CLVS2: variants seen among roughly 807,000 people sequenced by gnomAD.
CLVS2 encodes the protein clavesin-2.
CLVS2 carries 19 observed loss-of-function variants against 29.0 expected under a neutral mutation model. That is an observed-to-expected ratio of 0.66 (90% confidence interval 0.46 to 0.96). The LOEUF is 0.96. CLVS2 is among the 40% of genes least tolerant of loss of function. The probability of loss-of-function intolerance (pLI) is 0.00; values close to 1 mark genes in which losing one functional copy is unlikely to be tolerated. For synonymous variants in CLVS2, 161 were observed against 151.3 expected, an observed-to-expected ratio of 1.06 and a Z score of -0.47; for missense variants, 294 against 404.1, an observed-to-expected ratio of 0.73 and a Z score of 2.34.
At chr6:123,041,003 A>T (rs1018714467) in intron 3 of CLVS2, among the ~76,000 whole-genome samples, 1 of 152,130 alleles carries the variant, frequency 6.6e-6, no homozygotes, top group Admixed American at 6.6e-5. Context: ...GTTGTGTGCT[A>T]TCTTGTATGA....
chr6:123,062,508 G>A (rs1307282946), intron 5 of CLVS2, among the ~76,000 whole-genome samples: 1 of 151,742 alleles, frequency 6.6e-6, no homozygotes, highest in Admixed American at 6.6e-5. Flanking sequence ...GGCATCTAAT[G>A]CCTATTTAAT....
chr6:123,009,342 C>T (rs1209634660), intron 2 of CLVS2, among the ~76,000 whole-genome samples: 2 of 152,042 alleles, frequency 1.3e-5, no homozygotes, highest in African/African-American at 4.8e-5. Context: ...ACACCATGCC[C>T]TGTGCTTGAT....
intron 3 of CLVS2, among the ~76,000 whole-genome samples, chr6:123,017,563 C>T (rs1438075529): frequency 6.6e-6 from 1 of 152,076 alleles, no homozygotes; most frequent in Non-Finnish European, 1.5e-5. Context: ...TTAGTTGTTA[C>T]TTAACCTAGA....
chr6:123,069,365 A>G lies in CLVS2; in HGVS notation c.*5604A>G, dbSNP rs576242644. 1.6e-4 allele frequency: 25 copies of G among 151,934 alleles called. No homozygotes were observed. Among genetic ancestry groups the G allele is most frequent in the African/African-American group, 6.0e-4 (25 of 41,526 alleles). 9.4% of individuals were successfully genotyped at this position (151,934 alleles called of 1,614,324 possible). On this transcript the variant is annotated 3_prime_UTR_variant, in exon 6 of 6. Transcript: ENST00000275162. ...AAATATGATGTGAAATTAAAAAAAA[A>G]ATTCAGCCTGATTTGAGAAAGAATG...
intron 4 of CLVS2, among the ~76,000 whole-genome samples, chr6:123,051,194 G>A (rs867866939): frequency 9.2e-5 from 14 of 152,200 alleles, no homozygotes; most frequent in Middle Eastern, 3.4e-3. Context: ...GAGAACTGAG[G>A]AAGCAGTTGT....
rs1772938704 is a variant in CLVS2, at chr6:123,070,940, A to T, written c.*7179A>T. 6.6e-6 allele frequency: 1 copy of T among 151,946 alleles called. No individual in the cohort carries two copies. The highest frequency in any genetic ancestry group is 1.5e-5 in the Non-Finnish European group (1 of 67,912). 9.4% of individuals were successfully genotyped at this position (151,946 alleles called of 1,614,324 possible). A position where few individuals can be genotyped will look rare whatever the true frequency, so the allele number is the denominator to read the frequency against. ...CCTCATCTTCTTCAGGTATTTGCTT[A>T]AATGTCATCTTCTTTGTGAGGACTC... On this transcript the variant is annotated 3_prime_UTR_variant, in exon 6 of 6. Coordinates refer to ENST00000275162, the MANE Select transcript of CLVS2 (RefSeq NM_001010852.4).
At chr6:123,036,010 A>G (rs1323190540) in intron 3 of CLVS2, among the ~76,000 whole-genome samples, 1 of 152,120 alleles carries the variant, frequency 6.6e-6, no homozygotes, top group Admixed American at 6.6e-5. Flanking sequence ...ACAAACAGAG[A>G]TGCTTGCATA....
chr6:123,011,339 A>T (rs568011387), intron 3 of CLVS2, among the ~76,000 whole-genome samples, 180 bp downstream of exon 3: 1 of 152,188 alleles, frequency 6.6e-6, no homozygotes, highest in South Asian at 2.1e-4. Flanking sequence ...CGCTGAAGGA[A>T]GAGAGTTTGT....
intron 3 of CLVS2, among the ~76,000 whole-genome samples, chr6:123,047,383 A>G (rs1772532459): frequency 1.3e-5 from 2 of 152,186 alleles, no homozygotes; most frequent in Admixed American, 1.3e-4. Context: ...TGGCATAAAA[A>G]GTAAAAGTTT....
rs1772686590 is a variant in CLVS2 at position 123,055,889 on chromosome 6, G to T, written c.759G>T (p.Leu253=). ...EILPSEFGGM[L]PPYDMGTWAR... is the part of the protein sequence containing the mutation. Reference sequence around the variant, plus strand: ...TGCCCTCTGAGTTTGGAGGAATGCTGCCTCCTTATGACATGGGGACATGGG... The same window carrying T: ...TGCCCTCTGAGTTTGGAGGAATGCTTCCTCCTTATGACATGGGGACATGGG... The change falls in exon 5 of 6, where the codon CTG becomes CTT. Residue 253 remains leucine, a synonymous_variant. Coordinates refer to ENST00000275162, the MANE Select transcript of CLVS2 (RefSeq NM_001010852.4). 1 of 1,613,842 alleles carries T rather than the reference G, an allele frequency of 6.2e-7. No individual in the cohort carries two copies. The highest frequency in any genetic ancestry group is 1.3e-5 in the African/African-American group (1 of 75,022).
At chr6:123,007,711 C>T (rs1176788674) in intron 2 of CLVS2, among the ~76,000 whole-genome samples, 2 of 152,136 alleles carry the variant, frequency 1.3e-5, no homozygotes, top group African/African-American at 4.8e-5. Flanking sequence ...TTTCTTCTTA[C>T]TGCATGCTAC....
At chr6:123,057,589 C>T (rs1772712518) in intron 5 of CLVS2, among the ~76,000 whole-genome samples, 1 of 151,928 alleles carries the variant, frequency 6.6e-6, no homozygotes, top group Non-Finnish European at 1.5e-5. Context: ...CATGATCCAC[C>T]TGCCTCGGCC....
chr6:123,036,733 G>A (rs1775159546), intron 3 of CLVS2, among the ~76,000 whole-genome samples: 1 of 152,140 alleles, frequency 6.6e-6, no homozygotes, highest in African/African-American at 2.4e-5. Flanking sequence ...TCTTGCTGTT[G>A]TTCATGTGTG....
chr6:123,051,285 C>T (rs147344613), intron 4 of CLVS2, among the ~76,000 whole-genome samples: 30 of 152,206 alleles, frequency 2.0e-4, no homozygotes, highest in African/African-American at 6.0e-4. Flanking sequence ...CTTTGAGTCT[C>T]CAACTTACTG....
chr6:123,045,995 G>A (rs1381654232), intron 3 of CLVS2, among the ~76,000 whole-genome samples: 3 of 152,192 alleles, frequency 2.0e-5, no homozygotes, highest in Non-Finnish European at 4.4e-5. Context: ...CCGTAAAACA[G>A]TATGTTGACT....
chr6:123,063,752 T>C lies in CLVS2; in HGVS notation c.975T>C (p.Ser325=). Residue 325 remains serine (S), a synonymous_variant, in exon 6 of 6, where the codon TCT becomes TCC. Transcript: ENST00000275162. ...AAGAAAACATGCAACCATTGCTTTC[T>C]CTGGACTAATAACTTCTCTACATCC... The part of the protein sequence containing the change: ...NEEENMQPLL[S]LD 6.2e-7 allele frequency: 1 copy of C among 1,604,278 alleles called. No individual in the cohort carries two copies.
In CLVS2 at chr6:123,012,649, G is replaced by C. The variant is rs62422416; in HGVS notation, c.564+1490G>C. Reference sequence around the variant, plus strand: ...TCCTTGTTAGCTGTAACTACTATCAGAAGTTCTTTAAGTGCTACCTGTGAA... The same window carrying C: ...TCCTTGTTAGCTGTAACTACTATCACAAGTTCTTTAAGTGCTACCTGTGAA... On this transcript the variant is annotated intron_variant, in intron 3 of 5. Coordinates refer to ENST00000275162, the MANE Select transcript of CLVS2 (RefSeq NM_001010852.4). 1.7e-3 allele frequency among the ~76,000 whole-genome samples: 259 copies of C among 152,104 alleles called. 7 individuals carry two copies. The South Asian group carries it at 0.036, about 21-fold the overall frequency.
chr6:123,048,811 G>A, intron 4 of CLVS2, 79 bp downstream of exon 4: 2 of 878,212 alleles, frequency 2.3e-6, no homozygotes, highest in South Asian at 2.9e-5. Context: ...TATAATGTTA[G>A]CTATAGTAAA....
In CLVS2 at chr6:122,997,831, G is replaced by T. The variant is rs1774534293; in HGVS notation, c.54G>T (p.Leu18=). The T allele has an allele frequency of 6.2e-7, 1 of 1,614,026 alleles. No homozygotes were observed. ...CTGAGACCCTGGAGAAAGCTCGCCT[G>T]GAGCTCAATGAAAACCCAGACACGC... ...LSPETLEKAR[L]ELNENPDTLH... is the part of the protein sequence containing the mutation. Residue 18 remains leucine, a synonymous_variant, in exon 2 of 6, where the codon CTG becomes CTT. Transcript: ENST00000275162.
Sources: allele counts gnomAD v4.1 joint callset (sites outside exome capture counted in the v4.1 genomes callset), GRCh38; gene constraint gnomAD v4.1.1; transcripts MANE v1.5; gene names NCBI Gene and HGNC (gene_info 2026-07-23, HGNC 2026-07-21).